Variants in NBPF10 observed in about 807,000 individuals in gnomAD.
NBPF10 encodes NBPF family member NBPF10.
Under a neutral mutation model 77.9 loss-of-function variants are expected in NBPF10, and 63 were observed. The observed-to-expected ratio is 0.81, with a 90% CI of 0.66 to 1.00. NBPF10 has a LOEUF of 1.00. Ranked by LOEUF, NBPF10 falls within the 50% of genes least tolerant of loss-of-function variation. The pLI is 0.00. For synonymous variants in NBPF10, 146 were observed against 264.5 expected, an observed-to-expected ratio of 0.55 and a Z score of 4.35; for missense variants, 522 against 679.8, an observed-to-expected ratio of 0.77 and a Z score of 2.58.
At chr1:146,126,577 G>C (rs1172167817) in intron 13 of NBPF10, among the ~76,000 whole-genome samples, 169 bp from the exon 14 acceptor site, 3 of 140,928 alleles carry the variant, frequency 2.1e-5, no homozygotes, top group African/African-American at 5.2e-5. Flanking sequence ...GGGCCAGGTA[G>C]AAAAGGATGA....
chr1:146,126,235 C>T lies in NBPF10; in HGVS notation c.2026+1G>A, dbSNP rs782159435. The T allele has an allele frequency of 1.9e-6, 3 of 1,601,394 alleles. No individual in the cohort carries two copies. Among genetic ancestry groups the T allele is most frequent in the East Asian group, 4.5e-5 (2 of 44,776 alleles). On this transcript the variant is annotated splice_donor_variant, in intron 14 of 89. Coordinates refer to ENST00000583866, the Ensembl canonical transcript of NBPF10. LOFTEE classifies it high-confidence loss of function. ...TATCACCTTCATAGAAAGGTACTCA[C>T]CATCCATGTCAATAGCCAAGCCAAC...
chr1:146,142,459 T>G (rs1553797765), intron 2 of NBPF10, among the ~76,000 whole-genome samples, 191 bp downstream of exon 2: 3 of 133,220 alleles, frequency 2.3e-5, no homozygotes, highest in African/African-American at 7.5e-5. Context: ...AACAAGGCTC[T>G]AAGAAACAAC....
Position 146,140,443 on chromosome 1 carries a change from AC to A in NBPF10, c.566+40del, listed in dbSNP as rs1559356516. The A allele has an allele frequency of 3.1e-6, 2 of 637,150 alleles. 1 individual carries two copies. Among genetic ancestry groups the A allele is most frequent in the African/African-American group, 3.7e-5 (2 of 54,230 alleles). The allele number at this position is 637,150 out of a possible 1,614,324, so 39.5% of individuals were successfully genotyped here. On this transcript the variant is annotated intron_variant, in intron 4 of 89. Transcript: ENST00000583866. ...GGGTGTGCCTCCTAGACATTTTCAT[AC>A]GTTACCACCCATTACTTGCTCCTGA...
chr1:146,134,275 C>T lies in NBPF10; in HGVS notation c.1307-10G>A, dbSNP rs782050996. On this transcript the variant is annotated splice_polypyrimidine_tract_variant and intron_variant, in intron 8 of 89. Transcript: ENST00000583866. The stretch of plus-strand genomic sequence containing the variant: ...TCATCGTTGTCATTTTCTGCAAATA[C>T]AGAAGTGTTCGTTCAGGTATTTCCC... 1.9e-5 allele frequency: 30 copies of T among 1,603,236 alleles called. No homozygotes were observed. The highest frequency in any genetic ancestry group is 2.5e-5 in the Non-Finnish European group (30 of 1,178,956).
At chr1:146,067,798 A>G (rs1655314023) in intron 88 of NBPF10, among the ~76,000 whole-genome samples, 1 of 151,816 alleles carries the variant, frequency 6.6e-6, no homozygotes, top group East Asian at 2.0e-4. Context: ...ATGGCCTGAG[A>G]CTAGGAAGAG....
At chr1:146,126,643 C>T (rs28640909) in intron 13 of NBPF10, among the ~76,000 whole-genome samples, 111 of 119,118 alleles carry the variant, frequency 9.3e-4, no homozygotes, top group African/African-American at 3.1e-3. Flanking sequence ...ACAGAGCGAG[C>T]TCAGTCAATT....
At chr1:146,067,493 T>C (rs1553778131) in intron 88 of NBPF10, among the ~76,000 whole-genome samples, 1 of 144,674 alleles carries the variant, frequency 6.9e-6, no homozygotes, top group African/African-American at 2.6e-5. Flanking sequence ...AAAATGTCCC[T>C]ATTCTAGTAG....
chr1:146,067,891 C>T (rs587734079), intron 88 of NBPF10, 112 bp downstream of exon 88: 3 of 699,264 alleles, frequency 4.3e-6, no homozygotes, highest in African/African-American at 3.5e-5. Flanking sequence ...CCCATAGGTC[C>T]TGCCTGCGGC....
At chr1:146,142,096 A>G (rs1194531900) in intron 2 of NBPF10, among the ~76,000 whole-genome samples, 1 of 126,996 alleles carries the variant, frequency 7.9e-6, no homozygotes, top group African/African-American at 2.6e-5. Context: ...CGTTTCAAAA[A>G]GACATCCTTT....
Position 146,129,668 on chromosome 1 carries a change from A to G in NBPF10, c.1638-1386T>C, listed in dbSNP as rs1472074291. On this transcript the variant is annotated intron_variant, in intron 11 of 89. Coordinates refer to ENST00000583866, the Ensembl canonical transcript of NBPF10. ...CACCATAAAGATACTCCTCGAGAAG[A>G]GCAACCCCAAAACACGTAATTGTCA... Among the ~76,000 whole-genome samples, 20 of 74,766 alleles carry G rather than the reference A, an allele frequency of 2.7e-4. No individual in the cohort carries two copies. The South Asian group carries it at 5.4e-3, about 20-fold the overall frequency. 49.0% of individuals were successfully genotyped at this position (74,766 alleles called of 152,430 possible). A position where few individuals can be genotyped will look rare whatever the true frequency, so the allele number is the denominator to read the frequency against.
In NBPF10 at chr1:146,125,932, T is replaced by A. The variant is rs1233089419; in HGVS notation, c.2026+304A>T. Among the ~76,000 whole-genome samples the A allele has an allele frequency of 2.7e-4, 41 of 151,564 alleles. 1 individual carries two copies. Among genetic ancestry groups the A allele is most frequent in the Non-Finnish European group, 5.9e-5 (4 of 67,862 alleles). ...AGAGTAAAGGATGAAATCTACAAGA[T>A]CTACAAAATTTAGACAAAATCAGAG... On this transcript the variant is annotated intron_variant, in intron 14 of 89. Coordinates refer to ENST00000583866, the Ensembl canonical transcript of NBPF10.
At position 146,084,584 on chromosome 1, in the gene NBPF10, CTTCTTCCCCTTCTT is replaced by C; in HGVS notation, c.8361_8374del (p.Arg2788IlefsTer30). 1 of 76,854 alleles carries C rather than the reference CTTCTTCCCCTTCTT, an allele frequency of 1.3e-5. No homozygotes were observed. The highest frequency in any genetic ancestry group is 7.0e-5 in the South Asian group (1 of 14,376). 4.8% of individuals were successfully genotyped at this position (76,854 alleles called of 1,614,324 possible). A position where few individuals can be genotyped will look rare whatever the true frequency, so the allele number is the denominator to read the frequency against. The stretch of plus-strand genomic sequence containing the variant: ...TCCCCTTCTTCTTTCCTTCTTTGAT[CTTCTTCCCCTTCTT>C]TTCTTCCCCTTCCCCTTCTTTTCAA... On this transcript the variant is annotated frameshift_variant, in exon 67 of 90. Transcript: ENST00000583866. LOFTEE classifies it high-confidence loss of function.
chr1:146,136,507 T>C (rs1553795026), intron 6 of NBPF10, 52 bp from the exon 7 acceptor site: 2 of 1,544,360 alleles, frequency 1.3e-6, no homozygotes, highest in African/African-American at 1.4e-5. Context: ...CATGCTGCTG[T>C]GGTCATTGCC....
intron 11 of NBPF10, among the ~76,000 whole-genome samples, chr1:146,129,471 C>G (rs1186577142): frequency 1.4e-5 from 2 of 139,486 alleles, no homozygotes; most frequent in African/African-American, 5.7e-5. Context: ...AATGAACAAG[C>G]CTCCAATAAA....
exon 88 of NBPF10, chr1:146,068,139 T>C (rs1439129967): frequency 8.3e-6 from 4 of 483,714 alleles, no homozygotes; most frequent in South Asian, 2.1e-5. Flanking sequence ...CCTGCAAGAC[T>C]TCAGGCTCTT....
At chr1:146,064,917 C>A (rs377661971) in exon 90 of NBPF10, 1 of 9,694 alleles carries the variant, frequency 1.0e-4, no homozygotes, top group Non-Finnish European at 2.4e-4. Context: ...AACAAAGGCA[C>A]AGTAAAAATT....
At chr1:146,142,567 G>T in intron 2 of NBPF10, 83 bp downstream of exon 2, 1 of 692,214 alleles carries the variant, frequency 1.4e-6, no homozygotes. Flanking sequence ...GCCCAGCTTC[G>T]TTCTTACTTC....
At chr1:146,067,849 T>A (rs76000902) in intron 88 of NBPF10, among the ~76,000 whole-genome samples, 154 bp downstream of exon 88, 1 of 151,834 alleles carries the variant, frequency 6.6e-6, no homozygotes, top group Admixed American at 6.6e-5. Context: ...GGCTTCCAGC[T>A]GAGACTACAG....
At chr1:146,121,017 C>G (rs1388940330) in intron 20 of NBPF10, among the ~76,000 whole-genome samples, 1 of 100,938 alleles carries the variant, frequency 9.9e-6, no homozygotes, top group Non-Finnish European at 2.0e-5. Context: ...ATCATTTGTC[C>G]CAAGTTTGTG....
Sources: allele counts gnomAD v4.1 joint callset (sites outside exome capture counted in the v4.1 genomes callset), GRCh38; gene constraint gnomAD v4.1.1; transcripts MANE v1.5; gene names NCBI Gene and HGNC (gene_info 2026-07-23, HGNC 2026-07-21).